Variants in KCNH7 observed in about 807,000 individuals in gnomAD.
KCNH7 encodes potassium voltage-gated channel subfamily H member 7, also known as voltage-gated inwardly rectifying potassium channel KCNH7.
In KCNH7, 49 loss-of-function variants were observed where a neutral mutation model predicts 120.8. The ratio of observed to expected loss-of-function variants is 0.41; its 90% confidence interval spans 0.32 to 0.51. The LOEUF is 0.51. Ranked by LOEUF, KCNH7 falls within the 20% of genes least tolerant of loss-of-function variation. The pLI is 0.38. For synonymous variants in KCNH7, 547 were observed against 516.1 expected, an observed-to-expected ratio of 1.06 and a Z score of -0.81; for missense variants, 1,097 against 1,446.6, an observed-to-expected ratio of 0.76 and a Z score of 3.92.
chr2:162,441,923 T>C (rs1688426277), intron 7 of KCNH7, among the ~76,000 whole-genome samples: 1 of 149,032 alleles, frequency 6.7e-6, no homozygotes. Flanking sequence ...ACATGTTTTT[T>C]AACATTATAG....
Position 162,371,447 on chromosome 2 carries a change from C to T in KCNH7, c.*382G>A, listed in dbSNP as rs1685942361. 4 of 1,274,412 alleles carry T rather than the reference C, an allele frequency of 3.1e-6. No homozygotes were observed. The highest frequency in any genetic ancestry group is 4.1e-6 in the Non-Finnish European group (4 of 981,430). The allele number at this position is 1,274,412 out of a possible 1,614,324, so 78.9% of individuals were successfully genotyped here. A position where few individuals can be genotyped will look rare whatever the true frequency, so the allele number is the denominator to read the frequency against. ...TCTGAATTTGAGTTGCATCCATGAACAGTTTTATCCCTTGGTTTCTTATTT... is the reference window on the plus strand; with the variant it reads ...TCTGAATTTGAGTTGCATCCATGAATAGTTTTATCCCTTGGTTTCTTATTT... On this transcript the variant is annotated 3_prime_UTR_variant, in exon 16 of 16. Coordinates refer to ENST00000332142, the MANE Select transcript of KCNH7 (RefSeq NM_033272.4).
intron 2 of KCNH7, among the ~76,000 whole-genome samples, chr2:162,697,830 C>A (rs1686347696): frequency 6.6e-6 from 1 of 152,084 alleles, no homozygotes; most frequent in Admixed American, 6.6e-5. Flanking sequence ...TCGGTTGCCT[C>A]ATCTTAATTC....
rs527416815 is a variant in KCNH7, at chr2:162,442,210, T to A, written c.1554+3808A>T. 3.7e-3 allele frequency among the ~76,000 whole-genome samples: 562 copies of A among 151,588 alleles called. 5 individuals carry two copies. Among genetic ancestry groups the A allele is most frequent in the African/African-American group, 0.013 (542 of 41,404 alleles). ...CCAGCTAATTTTTTTGTATTTTTAG[T>A]AGAGATGGGGTTTCACCGTGTTAGA... On this transcript the variant is annotated intron_variant, in intron 7 of 15. Transcript: ENST00000332142.
Position 162,384,852 on chromosome 2 carries a change from C to A in KCNH7, c.2798G>T (p.Arg933Ile). 2 of 1,612,668 alleles carry A rather than the reference C, an allele frequency of 1.2e-6. No individual in the cohort carries two copies. Among genetic ancestry groups the A allele is most frequent in the Non-Finnish European group, 1.7e-6 (2 of 1,179,048 alleles). The change falls in exon 13 of 16, where the codon AGA becomes ATA. Residue 933 changes from arginine (R) to isoleucine (I), a missense_variant. Coordinates refer to ENST00000332142, the MANE Select transcript of KCNH7 (RefSeq NM_033272.4). The stretch of plus-strand genomic sequence containing the variant: ...AATGGAGGAGATGAAAGATGAGGAT[C>A]TGCTTTTTTTCTCTTCAAAGTGTCT... The part of the protein sequence containing the change: ...SKRHFEEKKS[R>I]SSSFISSIDD...
chr2:162,666,384 C>T (rs1192044821), intron 2 of KCNH7, among the ~76,000 whole-genome samples: 5 of 151,374 alleles, frequency 3.3e-5, no homozygotes, highest in African/African-American at 1.2e-4. Context: ...CCACAACTTC[C>T]TTCCTAAACC....
intron 2 of KCNH7, among the ~76,000 whole-genome samples, chr2:162,607,050 T>A (rs918990861): frequency 6.6e-6 from 1 of 152,028 alleles, no homozygotes; most frequent in Admixed American, 6.6e-5. Context: ...GTATATATTA[T>A]AACACTAATT....
chr2:162,512,756 TA>T, intron 4 of KCNH7, 82 bp from the exon 5 acceptor site: 1 of 1,050,588 alleles, frequency 9.5e-7, no homozygotes. Flanking sequence ...ATTACCTGTA[TA>T]AAAACAATCA....
chr2:162,412,743 AT>A (rs1469379807), intron 9 of KCNH7, among the ~76,000 whole-genome samples: 5 of 152,168 alleles, frequency 3.3e-5, no homozygotes, highest in Non-Finnish European at 7.4e-5. Flanking sequence ...AGAATATAAA[AT>A]GTAACTGTTT....
intron 2 of KCNH7, among the ~76,000 whole-genome samples, chr2:162,607,742 C>G (rs1487373022): frequency 6.6e-6 from 1 of 151,656 alleles, no homozygotes; most frequent in African/African-American, 2.4e-5. Flanking sequence ...ATGAAAATTC[C>G]AAGCACATTA....
At chr2:162,663,265 C>A (rs577396325) in intron 2 of KCNH7, among the ~76,000 whole-genome samples, 11 of 152,270 alleles carry the variant, frequency 7.2e-5, no homozygotes, top group African/African-American at 2.6e-4. Flanking sequence ...ACACTGTATC[C>A]TGTAATATTA....
chr2:162,430,013 C>T (rs1573947866), intron 8 of KCNH7, among the ~76,000 whole-genome samples: 1 of 151,578 alleles, frequency 6.6e-6, no homozygotes. Context: ...GGGCACTATA[C>T]ATTTAACCTT....
At chr2:162,680,947 T>C (rs1685689964) in intron 2 of KCNH7, among the ~76,000 whole-genome samples, 1 of 151,794 alleles carries the variant, frequency 6.6e-6, no homozygotes, top group Admixed American at 6.6e-5. Flanking sequence ...CATGCTAATG[T>C]ATATCACATA....
At chr2:162,458,088 G>C (rs1689027582) in intron 6 of KCNH7, among the ~76,000 whole-genome samples, 1 of 148,474 alleles carries the variant, frequency 6.7e-6, no homozygotes, top group African/African-American at 2.6e-5. Flanking sequence ...GATTAAAATA[G>C]ATATTTGGCT....
intron 2 of KCNH7, among the ~76,000 whole-genome samples, chr2:162,626,999 G>T (rs1401906096): frequency 6.6e-6 from 1 of 152,160 alleles, no homozygotes; most frequent in Non-Finnish European, 1.5e-5. Context: ...GTAAGATCAT[G>T]CTTATAGAAT....
intron 2 of KCNH7, among the ~76,000 whole-genome samples, chr2:162,651,640 T>C (rs1434225745): frequency 6.6e-6 from 1 of 152,224 alleles, no homozygotes; most frequent in Non-Finnish European, 1.5e-5. Context: ...TCTTTGCTAT[T>C]GTGAAGAGTG....
At chr2:162,519,032 T>C (rs1691425205) in intron 3 of KCNH7, among the ~76,000 whole-genome samples, 1 of 151,778 alleles carries the variant, frequency 6.6e-6, no homozygotes, top group Non-Finnish European at 1.5e-5. Context: ...CAAGAGGATA[T>C]AATTTTTCTA....
intron 12 of KCNH7, among the ~76,000 whole-genome samples, chr2:162,393,615 A>G (rs928755518): frequency 3.9e-5 from 6 of 151,942 alleles, no homozygotes; most frequent in Non-Finnish European, 7.4e-5. Flanking sequence ...CCTTGTTCAT[A>G]GTGAAAGATG....
intron 2 of KCNH7, among the ~76,000 whole-genome samples, chr2:162,790,683 C>A (rs1229654460): frequency 6.6e-6 from 1 of 151,930 alleles, no homozygotes; most frequent in Non-Finnish European, 1.5e-5. Context: ...TCAACATACA[C>A]AAATCAAAAA....
intron 2 of KCNH7, among the ~76,000 whole-genome samples, chr2:162,632,084 G>T (rs1175417439): frequency 6.6e-6 from 1 of 151,910 alleles, no homozygotes; most frequent in Non-Finnish European, 1.5e-5. Context: ...AAGGAAAAAA[G>T]CTGCCCGTAT....
Sources: allele counts gnomAD v4.1 joint callset (sites outside exome capture counted in the v4.1 genomes callset), GRCh38; gene constraint gnomAD v4.1.1; transcripts MANE v1.5; gene names NCBI Gene and HGNC (gene_info 2026-07-23, HGNC 2026-07-21).